CFHR2: variants seen among roughly 807,000 people sequenced by gnomAD.
CFHR2 encodes the protein complement factor H related 2, also known as complement factor H-related protein 2.
CFHR2 carries 22 observed loss-of-function variants against 21.7 expected under a neutral mutation model. The observed-to-expected ratio is 1.01, with a 90% CI of 0.72 to 1.45. The LOEUF is 1.45. Ranked by LOEUF, CFHR2 falls within the 40% of genes most tolerant of loss-of-function variation. CFHR2 has a pLI of 0.00. For synonymous variants in CFHR2, 98 were observed against 97.4 expected (o/e 1.01, Z -0.04); for missense variants, 294 against 293.3 (o/e 1.00, Z -0.02).
At chr1:196,949,111 C>T (rs1441299262) in intron 1 of CFHR2, among the ~76,000 whole-genome samples, 1 of 152,180 alleles carries the variant, frequency 6.6e-6, no homozygotes, top group East Asian at 1.9e-4. Context: ...CACTCCTCTA[C>T]TGTATACTAA....
chr1:196,953,374 C>A (rs577677541), intron 3 of CFHR2, among the ~76,000 whole-genome samples: 154 of 152,224 alleles, frequency 1.0e-3, no homozygotes, highest in Admixed American at 3.0e-3. Context: ...ATTCTACCTT[C>A]AAAGTTCAAG....
chr1:196,950,693 G>C (rs544776237), intron 2 of CFHR2, among the ~76,000 whole-genome samples, 159 bp from the exon 3 acceptor site: 2 of 152,044 alleles, frequency 1.3e-5, no homozygotes, highest in Non-Finnish European at 2.9e-5. Flanking sequence ...GGCTGGCCTC[G>C]AACTCATGGC....
chr1:196,948,229 A>C (rs1386585442), intron 1 of CFHR2, among the ~76,000 whole-genome samples: 2 of 152,108 alleles, frequency 1.3e-5, no homozygotes, highest in Non-Finnish European at 2.9e-5. Flanking sequence ...ATGATGTAGT[A>C]TTTGTATATA....
intron 3 of CFHR2, among the ~76,000 whole-genome samples, chr1:196,957,629 G>A (rs186380479): frequency 6.4e-4 from 97 of 152,224 alleles, no homozygotes; most frequent in African/African-American, 2.3e-3. Flanking sequence ...TGTTTAGCAT[G>A]TATTCATTTA....
intron 3 of CFHR2, among the ~76,000 whole-genome samples, chr1:196,951,267 T>TA (rs776507405): frequency 6.6e-6 from 1 of 152,320 alleles, no homozygotes; most frequent in Non-Finnish European, 1.5e-5. Flanking sequence ...ACCTTGAAGA[T>TA]AATCCCTTGA....
chr1:196,947,039 T>C (rs1659527632), intron 1 of CFHR2, among the ~76,000 whole-genome samples: 1 of 152,182 alleles, frequency 6.6e-6, no homozygotes, highest in Non-Finnish European at 1.5e-5. Context: ...TCAGCTACAC[T>C]ATAATCTTAT....
chr1:196,950,657 G>T (rs1336362734), intron 2 of CFHR2, among the ~76,000 whole-genome samples, 195 bp from the exon 3 acceptor site: 1 of 152,070 alleles, frequency 6.6e-6, no homozygotes, highest in African/African-American at 2.4e-5. Context: ...ATTTTTAGTA[G>T]AAACAGGGTT....
At chr1:196,957,764 G>T (rs538798592) in intron 3 of CFHR2, 127 bp from the exon 4 acceptor site, 4 of 799,786 alleles carry the variant, frequency 5.0e-6, no homozygotes, top group Non-Finnish European at 7.9e-6. Context: ...ATTTTACTCC[G>T]GGAATCATTT....
Position 196,949,573 on chromosome 1 carries a change from T to G in CFHR2, c.177T>G (p.Phe59Leu), listed in dbSNP as rs199828487. The change falls in exon 2 of 5, where the codon TTT (phenylalanine) becomes TTG (leucine). Residue 59 changes from phenylalanine (F) to leucine (L), a missense_variant. Physicochemically the swap from Phe to Leu is conservative, Grantham distance 22. Coordinates refer to ENST00000367415, the MANE Select transcript of CFHR2 (RefSeq NM_005666.4). Reference protein sequence around the residue: ...EVFYYSCEYNFVSPSKSFWTR... With the variant: ...EVFYYSCEYNLVSPSKSFWTR... ...TCTATTACTCCTGTGAATATAATTTTGTGTCTCCTTCAAAATCCTTTTGGA... is the reference window on the plus strand; with the variant it reads ...TCTATTACTCCTGTGAATATAATTTGGTGTCTCCTTCAAAATCCTTTTGGA... 376 of 1,614,080 alleles carry G rather than the reference T, an allele frequency of 2.3e-4. 2 individuals are homozygous for G. In the East Asian group the frequency reaches 8.0e-3, roughly 35 times the overall value.
intron 3 of CFHR2, among the ~76,000 whole-genome samples, chr1:196,951,603 T>C (rs532761733): frequency 1.3e-5 from 2 of 152,244 alleles, no homozygotes; most frequent in South Asian, 4.1e-4. Context: ...TTCGTCTTTA[T>C]AGCTCCTCAG....
Position 196,949,495 on chromosome 1 carries a change from A to G in CFHR2, c.99A>G (p.Leu33=), listed in dbSNP as rs763422599. The change falls in exon 2 of 5, where the codon CTA becomes CTG. Residue 33 remains leucine, a synonymous_variant. Transcript: ENST00000367415. ...CDFPKINHGI[L]YDEEKYKPFS... ...TTCCAAAAATAAACCATGGAATTCTATATGATGAAGAAAAATATAAGCCAT... is the reference window on the plus strand; with the variant it reads ...TTCCAAAAATAAACCATGGAATTCTGTATGATGAAGAAAAATATAAGCCAT... The G allele has an allele frequency of 2.5e-6, 4 of 1,613,772 alleles. No individual in the cohort carries two copies. In the South Asian group the frequency reaches 3.3e-5, roughly 13 times the overall value.
chr1:196,958,834 A>C (rs1653003657), intron 4 of CFHR2, 47 bp from the exon 5 acceptor site: 2 of 1,250,508 alleles, frequency 1.6e-6, no homozygotes, highest in African/African-American at 3.0e-5. Flanking sequence ...GTCTATGAAG[A>C]TTTGCATACT....
chr1:196,945,946 G>A (rs1159489092), intron 1 of CFHR2, among the ~76,000 whole-genome samples: 6 of 151,624 alleles, frequency 4.0e-5, no homozygotes, highest in Non-Finnish European at 5.9e-5. Context: ...AGGCCATATG[G>A]TATAGCCTGT....
At chr1:196,950,566 T>C (rs555667562) in intron 2 of CFHR2, among the ~76,000 whole-genome samples, 12 of 152,228 alleles carry the variant, frequency 7.9e-5, no homozygotes, top group African/African-American at 2.2e-4. Flanking sequence ...CTCTGCCTTC[T>C]GGGTTCAAGT....
chr1:196,949,624 A>G lies in CFHR2; in HGVS notation c.228A>G (p.Gly76=), dbSNP rs564377381. The part of the protein sequence containing the change: ...FWTRITCAEE[G]WSPTPKCLRL... ...CTCGCATAACGTGCGCAGAAGAAGG[A>G]TGGTCACCAACACCAAAGTGTCTCA... The change falls in exon 2 of 5, where the codon GGA becomes GGG. Residue 76 remains glycine (G), a synonymous_variant. Coordinates refer to ENST00000367415, the MANE Select transcript of CFHR2 (RefSeq NM_005666.4). 26 of 1,613,920 alleles carry G rather than the reference A, an allele frequency of 1.6e-5. No homozygotes were observed. The highest frequency in any genetic ancestry group is 4.0e-5 in the African/African-American group (3 of 75,050).
chr1:196,949,359 G>A, intron 1 of CFHR2, 96 bp from the exon 2 acceptor site: 3 of 1,266,448 alleles, frequency 2.4e-6, no homozygotes, highest in Non-Finnish European at 3.2e-6. Context: ...TAAGCTAAAT[G>A]AAAGAAAAAA....
rs1057095208 is a variant in CFHR2, at chr1:196,945,949, T to C, written c.58+2011T>C. ...TACTAGGTAACTAGGCCATATGGTATAGCCTGTCGCTCCTAGGCTGCAAAC... is the reference window on the plus strand; with the variant it reads ...TACTAGGTAACTAGGCCATATGGTACAGCCTGTCGCTCCTAGGCTGCAAAC... On this transcript the variant is annotated intron_variant, in intron 1 of 4. Coordinates refer to ENST00000367415, the MANE Select transcript of CFHR2 (RefSeq NM_005666.4). Among the ~76,000 whole-genome samples, 241 of 151,924 alleles carry C rather than the reference T, an allele frequency of 1.6e-3. 1 individual carries two copies. The highest frequency in any genetic ancestry group is 5.5e-3 in the African/African-American group (226 of 41,344).
intron 1 of CFHR2, among the ~76,000 whole-genome samples, chr1:196,944,422 C>A (rs1338879933): frequency 6.6e-6 from 1 of 151,998 alleles, no homozygotes; most frequent in Non-Finnish European, 1.5e-5. Context: ...ATATATTTTA[C>A]TGAAACAATA....
At position 196,949,513 on chromosome 1, in the gene CFHR2, T is replaced by C. The variant is rs1234382809; in HGVS notation, c.117T>C (p.Tyr39=). The part of the protein sequence containing the change: ...NHGILYDEEK[Y]KPFSQVPTGE... ...GAATTCTATATGATGAAGAAAAATA[T>C]AAGCCATTTTCCCAAGTTCCTACAG... Residue 39 remains tyrosine (Y), a synonymous_variant, in exon 2 of 5, where the codon TAT becomes TAC. Transcript: ENST00000367415. The C allele has an allele frequency of 1.9e-6, 3 of 1,613,966 alleles. No individual in the cohort carries two copies. Among genetic ancestry groups the C allele is most frequent in the Non-Finnish European group, 2.5e-6 (3 of 1,179,918 alleles).
Sources: gnomAD v4.1 joint callset for allele counts (sites outside exome capture counted in the v4.1 genomes callset) on GRCh38, gnomAD v4.1.1 for gene constraint, MANE v1.5 for transcripts, NCBI Gene and HGNC (gene_info 2026-07-23, HGNC 2026-07-21) for gene names.